Variants in MAP7D1 observed in about 807,000 individuals in gnomAD.
MAP7D1 encodes the protein MAP7 domain-containing protein 1.
Under a neutral mutation model 97.5 loss-of-function variants are expected in MAP7D1, and 30 were observed. That is an observed-to-expected ratio of 0.31 (90% CI 0.23 to 0.42). The LOEUF is 0.42. Among genes scored for constraint, MAP7D1 ranks in the 10% least tolerant of loss-of-function variants. The pLI is 1.00. For synonymous variants in MAP7D1, 536 were observed against 477.1 expected (o/e 1.12, Z -1.61); for missense variants, 1,184 against 1,179.5 (o/e 1.00, Z -0.06).
intron 1 of MAP7D1, among the ~76,000 whole-genome samples, chr1:36,158,327 G>A (rs1644364988): frequency 6.6e-6 from 1 of 152,104 alleles, no homozygotes; most frequent in South Asian, 2.1e-4. Flanking sequence ...TCCTCTGTGG[G>A]GCTTTCTGGG....
Position 36,176,925 on chromosome 1 carries a change from C to G in MAP7D1, c.1379+83C>G, listed in dbSNP as rs530445556. 2.5e-6 allele frequency: 3 copies of G among 1,212,802 alleles called. No individual in the cohort carries two copies. The Admixed American group carries it at 6.8e-5, about 28-fold the overall frequency. The allele number at this position is 1,212,802 out of a possible 1,614,324, so 75.1% of individuals were successfully genotyped here. ...ACAAATATTTGTTGGGCAACCACCT[C>G]TAGAATGCAACTTCCCTGAGGGCAG... On this transcript the variant is annotated intron_variant, in intron 8 of 16. Coordinates refer to ENST00000474796, the MANE Select transcript of MAP7D1 (RefSeq NM_001388490.1). The surrounding 1 kb of genome is among the most constrained non-coding windows in gnomAD (Gnocchi z 6.1).
Position 36,180,471 on chromosome 1 carries a change from C to A in MAP7D1, c.*213C>A. The A allele has an allele frequency of 4.7e-6, 3 of 635,642 alleles. No homozygotes were observed. Among genetic ancestry groups the A allele is most frequent in the Non-Finnish European group, 8.4e-6 (3 of 359,248 alleles). 39.4% of individuals were successfully genotyped at this position (635,642 alleles called of 1,614,324 possible). ...CAGTGCATTCGTGTGCTCGCACGCGCAGACATCCCTTCTCCCCCATACACA... is the reference window on the plus strand; with the variant it reads ...CAGTGCATTCGTGTGCTCGCACGCGAAGACATCCCTTCTCCCCCATACACA... On this transcript the variant is annotated 3_prime_UTR_variant, in exon 17 of 17. Coordinates refer to ENST00000474796, the MANE Select transcript of MAP7D1 (RefSeq NM_001388490.1).
chr1:36,161,939 C>A (rs868253658), intron 1 of MAP7D1, among the ~76,000 whole-genome samples: 1 of 151,452 alleles, frequency 6.6e-6, no homozygotes, highest in Non-Finnish European at 1.5e-5. Context: ...TGTCTTGTCT[C>A]TCGCCATTGT....
chr1:36,180,101 C>G (rs544647858), intron 16 of MAP7D1, 34 bp downstream of exon 16: 1 of 1,611,338 alleles, frequency 6.2e-7, no homozygotes, highest in Non-Finnish European at 8.5e-7. Flanking sequence ...CAGCTCCATT[C>G]CTCCCAGCAG....
chr1:36,170,180 A>T (rs1173660378), intron 1 of MAP7D1, among the ~76,000 whole-genome samples: 1 of 152,202 alleles, frequency 6.6e-6, no homozygotes, highest in Non-Finnish European at 1.5e-5. Context: ...CCTGTCTCTC[A>T]ATTGCCCCAC....
intron 1 of MAP7D1, among the ~76,000 whole-genome samples, chr1:36,165,914 T>C (rs1191890425): frequency 6.6e-6 from 1 of 151,698 alleles, no homozygotes; most frequent in East Asian, 1.9e-4. Flanking sequence ...TGTTTTTTAG[T>C]AGACGGGATT....
chr1:36,162,605 T>G (rs987007686), intron 1 of MAP7D1, among the ~76,000 whole-genome samples: 1 of 152,218 alleles, frequency 6.6e-6, no homozygotes, highest in African/African-American at 2.4e-5. Context: ...ACTTTCCTTT[T>G]AGGATTGTCA....
In MAP7D1 at chr1:36,176,156, C is replaced by T. The variant is rs554375387; in HGVS notation, c.851-43C>T. The T allele has an allele frequency of 7.5e-6, 12 of 1,591,804 alleles. No individual in the cohort carries two copies. The highest frequency in any genetic ancestry group is 1.1e-5 in the South Asian group (1 of 90,130). ...CTCCCTTGCCTCTTCCTGCCTCCTA[C>T]GGCCCCCACGGTGACCGGCTTCGCC... On this transcript the variant is annotated intron_variant, in intron 6 of 16. Transcript: ENST00000474796. The surrounding 1 kb of genome is among the most constrained non-coding windows in gnomAD (Gnocchi z 6.1).
rs761388884 is a variant in MAP7D1 at position 36,170,985 on chromosome 1, A to AC, written c.68dup (p.Glu24ArgfsTer9). ...TGGTCTTTCAGCTGTGGTCGCCAGG[A>AC]CCCCCCCAGAGCCAAGACCTTCTCC... On this transcript the variant is annotated frameshift_variant, in exon 2 of 17. Coordinates refer to ENST00000474796, the MANE Select transcript of MAP7D1 (RefSeq NM_001388490.1). LOFTEE classifies it high-confidence loss of function. The AC allele has an allele frequency of 3.1e-5, 34 of 1,107,500 alleles. No individual in the cohort carries two copies. Among genetic ancestry groups the AC allele is most frequent in the East Asian group, 5.4e-5 (2 of 36,784 alleles). 68.6% of individuals were successfully genotyped at this position (1,107,500 alleles called of 1,614,324 possible).
intron 1 of MAP7D1, among the ~76,000 whole-genome samples, chr1:36,170,057 C>T (rs1448623384): frequency 6.6e-6 from 1 of 152,114 alleles, no homozygotes; most frequent in East Asian, 1.9e-4. Flanking sequence ...GGAAACAAAA[C>T]AAAACAAAAC....
At chr1:36,175,639 T>C (rs1265485823) in intron 6 of MAP7D1, among the ~76,000 whole-genome samples, 1 of 152,184 alleles carries the variant, frequency 6.6e-6, no homozygotes, top group Admixed American at 6.5e-5. Context: ...AGCAACCAAA[T>C]CAGCTGCTGT....
Position 36,156,277 on chromosome 1 carries a change from C to T in MAP7D1, c.-141C>T. 1.6e-6 allele frequency: 1 copy of T among 611,382 alleles called. No individual in the cohort carries two copies. Among genetic ancestry groups the T allele is most frequent in the Middle Eastern group, 4.8e-4 (1 of 2,082 alleles). The allele number at this position is 611,382 out of a possible 1,614,324, so 37.9% of individuals were successfully genotyped here. A position where few individuals can be genotyped will look rare whatever the true frequency, so the allele number is the denominator to read the frequency against. ...TCGCGGGCCACCTGCCTCGACCTTCCCCGGAGCGCCCCCGCCTCCGAGTCG... is the reference window on the plus strand; with the variant it reads ...TCGCGGGCCACCTGCCTCGACCTTCTCCGGAGCGCCCCCGCCTCCGAGTCG... On this transcript the variant is annotated 5_prime_UTR_variant, in exon 1 of 17. Transcript: ENST00000474796.
chr1:36,173,548 T>A (rs1644577776), intron 5 of MAP7D1, 70 bp downstream of exon 5: 1 of 1,206,938 alleles, frequency 8.3e-7, no homozygotes. Flanking sequence ...AGGGAACAAC[T>A]TCCCTACAAA....
chr1:36,156,502 T>A (rs775558183), intron 1 of MAP7D1, 39 bp downstream of exon 1: 2 of 1,397,520 alleles, frequency 1.4e-6, no homozygotes, highest in South Asian at 3.1e-5. Flanking sequence ...TGGGGGTAGA[T>A]GGAGGGGCTG....
chr1:36,171,341 C>G, intron 2 of MAP7D1, 26 bp downstream of exon 2: 1 of 1,549,908 alleles, frequency 6.5e-7, no homozygotes, highest in South Asian at 1.2e-5. Context: ...CCGGCCTGGG[C>G]CTAAACCTCT....
At chr1:36,169,899 C>A (rs1557775595) in intron 1 of MAP7D1, among the ~76,000 whole-genome samples, 1 of 152,156 alleles carries the variant, frequency 6.6e-6, no homozygotes. Flanking sequence ...GAGACTGAGG[C>A]AGAAGGATCT....
At chr1:36,168,121 C>G (rs974926796) in intron 1 of MAP7D1, among the ~76,000 whole-genome samples, 5 of 151,984 alleles carry the variant, frequency 3.3e-5, no homozygotes, top group African/African-American at 1.2e-4. Context: ...ATGGTGAAAC[C>G]CCGTCTCTAC....
intron 5 of MAP7D1, 36 bp from the exon 6 acceptor site, chr1:36,174,862 G>A (rs777047054): frequency 7.3e-7 from 1 of 1,375,174 alleles, no homozygotes; most frequent in South Asian, 1.2e-5. Flanking sequence ...GCTCCTGCCG[G>A]GCCCGGCCCT....
chr1:36,172,675 T>G (rs1323668614), intron 4 of MAP7D1, 48 bp downstream of exon 4: 47 of 1,476,870 alleles, frequency 3.2e-5, no homozygotes, highest in Non-Finnish European at 4.1e-5. Context: ...GCTCACCGTC[T>G]GCATACTGGT....
Sources: allele counts gnomAD v4.1 joint callset (sites outside exome capture counted in the v4.1 genomes callset), GRCh38; gene constraint gnomAD v4.1.1; non-coding constraint Gnocchi (gnomAD v3.1); transcripts MANE v1.5; gene names NCBI Gene and HGNC (gene_info 2026-07-23, HGNC 2026-07-21).